The following SRC variants were observed in gnomAD, a reference collection of about 807,000 sequenced individuals.
SRC encodes SRC proto-oncogene, non-receptor tyrosine kinase.
In SRC, 13 loss-of-function variants were observed where a neutral mutation model predicts 62.9. The observed-to-expected ratio is 0.21, with a 90% CI of 0.13 to 0.33. SRC has a LOEUF of 0.33. Ranked by LOEUF, SRC falls within the 10% of genes least tolerant of loss-of-function variation. The probability of loss-of-function intolerance (pLI) is 1.00; values close to 1 mark genes in which losing one functional copy is unlikely to be tolerated. For synonymous variants in SRC, 302 were observed against 317.5 expected (o/e 0.95, Z 0.52); for missense variants, 457 against 737.3 (o/e 0.62, Z 4.40).
At chr20:37,400,558 T>C (rs1303168035) in intron 10 of SRC, among the ~76,000 whole-genome samples, 1 of 152,170 alleles carries the variant, frequency 6.6e-6, no homozygotes, top group Non-Finnish European at 1.5e-5. Context: ...GCTAATTTTT[T>C]ATTTTTTGTA....
In SRC at chr20:37,397,577, AG is replaced by A; in HGVS notation, c.704-119del. On this transcript the variant is annotated intron_variant, in intron 8 of 13. Transcript: ENST00000373578. The surrounding 1 kb of genome is among the most constrained non-coding windows in gnomAD (Gnocchi z 4.1). Reference sequence around the variant, plus strand: ...ACACAGATGTAGATGCCTGGCTTTGAGGGCACCCTGCGTGTCCCCTGAAATC... The same window carrying A: ...ACACAGATGTAGATGCCTGGCTTTGAGGCACCCTGCGTGTCCCCTGAAATC... 1 of 1,344,710 alleles carries A rather than the reference AG, an allele frequency of 7.4e-7. No homozygotes were observed. Among genetic ancestry groups the A allele is most frequent in the Non-Finnish European group, 9.8e-7 (1 of 1,023,404 alleles). The allele number at this position is 1,344,710 out of a possible 1,614,324, so 83.3% of individuals were successfully genotyped here.
At position 37,402,722 on chromosome 20, in the gene SRC, C is replaced by T. The variant is rs1232756456; in HGVS notation, c.1271-27C>T. The stretch of plus-strand genomic sequence containing the variant: ...GAGCGGTCATGACAGGAGGTCAGAG[C>T]TGCCCTGACCTTTCTCGTTCCTGCA... On this transcript the variant is annotated intron_variant, in intron 12 of 13. Transcript: ENST00000373578. The surrounding 1 kb of genome is among the most constrained non-coding windows in gnomAD (Gnocchi z 6.2). 6.3e-7 allele frequency: 1 copy of T among 1,598,632 alleles called. No individual in the cohort carries two copies.
At chr20:37,360,192 C>A (rs2069946519) in intron 1 of SRC, among the ~76,000 whole-genome samples, 1 of 143,520 alleles carries the variant, frequency 7.0e-6, no homozygotes, top group African/African-American at 2.7e-5. Flanking sequence ...AAAATGTGAA[C>A]AATTTCTTTC....
intron 1 of SRC, among the ~76,000 whole-genome samples, chr20:37,364,286 C>T (rs956061103): frequency 3.9e-5 from 6 of 152,166 alleles, no homozygotes; most frequent in Middle Eastern, 3.4e-3. Context: ...AGGCAAGCAG[C>T]CCCGCCTCTC....
In SRC at chr20:37,404,255, G is replaced by C. The variant is rs1027214881; in HGVS notation, c.*876G>C. 8.6e-6 allele frequency: 2 copies of C among 233,628 alleles called. No homozygotes were observed. The highest frequency in any genetic ancestry group is 2.2e-5 in the African/African-American group (1 of 45,344). The allele number at this position is 233,628 out of a possible 1,614,324, so 14.5% of individuals were successfully genotyped here. A position where few individuals can be genotyped will look rare whatever the true frequency, so the allele number is the denominator to read the frequency against. ...GATTCCCACTGCCGCTGCCCGCTCA[G>C]CCCAGCTGTTGGGAACAGCATGGAG... On this transcript the variant is annotated 3_prime_UTR_variant, in exon 14 of 14. Coordinates refer to ENST00000373578, the MANE Select transcript of SRC (RefSeq NM_198291.3).
rs766348125 is a variant in SRC, at chr20:37,394,222, C to T, written c.498C>T (p.Leu166=). The change falls in exon 7 of 14, where the codon CTC becomes CTT. Residue 166 remains leucine (L), a synonymous_variant. Coordinates refer to ENST00000373578, the MANE Select transcript of SRC (RefSeq NM_198291.3). ...ITRRESERLL[L]NAENPRGTFL... ...GACGGGAGTCAGAGCGGTTACTGCT[C>T]AATGCAGAGAACCCGAGAGGGACCT... 5 of 1,614,040 alleles carry T rather than the reference C, an allele frequency of 3.1e-6. No homozygotes were observed. Among genetic ancestry groups the T allele is most frequent in the Non-Finnish European group, 4.2e-6 (5 of 1,180,040 alleles).
intron 2 of SRC, among the ~76,000 whole-genome samples, chr20:37,379,942 TAAAAAAAAAAAAAAAAAA>T (rs57772720): frequency 0.24 from 12,322 of 51,728 alleles, 1,064 homozygotes; most frequent in African/African-American, 0.41. Flanking sequence ...GAGCTTGGAG[TAAAAAAAAAAAAAAAAAA>T]AAAAAAAGGA....
chr20:37,376,918 C>G (rs2070287198), intron 2 of SRC, among the ~76,000 whole-genome samples: 1 of 152,264 alleles, frequency 6.6e-6, no homozygotes, highest in Non-Finnish European at 1.5e-5. Context: ...ACCATGGGGT[C>G]ATTGGCACAG....
At chr20:37,387,053 A>AG (rs1394134204) in intron 5 of SRC, among the ~76,000 whole-genome samples, 2 of 152,116 alleles carry the variant, frequency 1.3e-5, no homozygotes, top group Non-Finnish European at 2.9e-5. Context: ...GCCGGACTGG[A>AG]GGGGGCTGAC....
chr20:37,394,134 C>T (rs1263308481), intron 6 of SRC, 40 bp from the exon 7 acceptor site: 3 of 1,590,122 alleles, frequency 1.9e-6, no homozygotes, highest in East Asian at 2.2e-5. Flanking sequence ...TGGGCAGAAG[C>T]CTGGACAGTC....
At chr20:37,356,859 G>T (rs2069889742) in intron 1 of SRC, among the ~76,000 whole-genome samples, 1 of 152,214 alleles carries the variant, frequency 6.6e-6, no homozygotes. Flanking sequence ...GATGGGCCTG[G>T]ATTAGAATCC....
In SRC at chr20:37,400,311, CG is replaced by C; in HGVS notation, c.1039+21del. ...TGAGCAAGGGTGAGTCCTGGGCGGC[CG>C]GGGCAGGGGGCAGGGGCACTCCGGA... On this transcript the variant is annotated intron_variant, in intron 10 of 13. Coordinates refer to ENST00000373578, the MANE Select transcript of SRC (RefSeq NM_198291.3). 1 of 1,595,872 alleles carries C rather than the reference CG, an allele frequency of 6.3e-7. No individual in the cohort carries two copies. Among genetic ancestry groups the C allele is most frequent in the African/African-American group, 1.3e-5 (1 of 74,636 alleles).
chr20:37,368,279 G>A (rs879837829), intron 2 of SRC, among the ~76,000 whole-genome samples: 12 of 151,704 alleles, frequency 7.9e-5, no homozygotes, highest in Non-Finnish European at 1.8e-4. Context: ...TTAGCCAGGC[G>A]CACTGGCGGG....
rs2070665752 is a variant in SRC, at chr20:37,397,143, C to G, written c.704-556C>G. ...CACCTCCGCCTGGTGCCACCCTTCC[C>G]CACCTGCTCCCTGCGCCCCTTTGTC... On this transcript the variant is annotated intron_variant, in intron 8 of 13. Coordinates refer to ENST00000373578, the MANE Select transcript of SRC (RefSeq NM_198291.3). This position sits in a 1 kb window ranked among gnomAD's most constrained non-coding sequence, Gnocchi z 4.1. Among the ~76,000 whole-genome samples the G allele has an allele frequency of 2.0e-5, 3 of 152,170 alleles. No individual in the cohort carries two copies. The highest frequency in any genetic ancestry group is 7.2e-5 in the African/African-American group (3 of 41,436).
intron 1 of SRC, among the ~76,000 whole-genome samples, chr20:37,350,745 T>C (rs2069789473): frequency 6.6e-6 from 1 of 152,188 alleles, no homozygotes; most frequent in Non-Finnish European, 1.5e-5. Context: ...TATTATCTAG[T>C]TTAGGGAAGC....
At chr20:37,381,348 A>G (rs1568632910) in intron 2 of SRC, among the ~76,000 whole-genome samples, 1 of 152,010 alleles carries the variant, frequency 6.6e-6, no homozygotes, top group South Asian at 2.1e-4. Flanking sequence ...TTGATACTGG[A>G]AGGGCCCTTA....
chr20:37,373,385 A>ACG (rs1491553720), intron 2 of SRC, among the ~76,000 whole-genome samples: 3 of 152,064 alleles, frequency 2.0e-5, no homozygotes, highest in African/African-American at 4.8e-5. Flanking sequence ...TGTACATTAT[A>ACG]CACATATATG....
intron 2 of SRC, among the ~76,000 whole-genome samples, chr20:37,369,912 G>T (rs565972287): frequency 6.6e-6 from 1 of 152,098 alleles, no homozygotes; most frequent in African/African-American, 2.4e-5. Flanking sequence ...CGATTCTCCT[G>T]CCTCGGCCTC....
intron 2 of SRC, among the ~76,000 whole-genome samples, chr20:37,378,529 T>C (rs1317758760): frequency 6.6e-6 from 1 of 152,192 alleles, no homozygotes; most frequent in Non-Finnish European, 1.5e-5. Context: ...GAGGAGATTC[T>C]ACCCTGCCGC....
Sources: gnomAD v4.1 joint callset for allele counts (sites outside exome capture counted in the v4.1 genomes callset) on GRCh38, gnomAD v4.1.1 for gene constraint, Gnocchi (gnomAD v3.1) non-coding constraint, MANE v1.5 for transcripts, NCBI Gene and HGNC (gene_info 2026-07-23, HGNC 2026-07-21) for gene names.